The following GRIN2A variants were observed in gnomAD, a reference collection of about 807,000 sequenced individuals.
GRIN2A encodes the protein glutamate ionotropic receptor NMDA type subunit 2A.
A neutral mutation model predicts 113.4 loss-of-function variants in GRIN2A; 22 were observed. That is an observed-to-expected ratio of 0.19 (90% CI 0.14 to 0.28). GRIN2A has a LOEUF of 0.28. Among genes scored for constraint, GRIN2A ranks in the 10% least tolerant of loss-of-function variants. GRIN2A has a pLI of 1.00. For missense variants in GRIN2A, 1,502 were observed against 1,887.0 expected (o/e 0.80, Z 3.78); for synonymous variants, 827 against 738.4 (o/e 1.12, Z -1.94).
chr16:9,818,941 A>G (rs34321431), intron 10 of GRIN2A, among the ~76,000 whole-genome samples: 2,786 of 152,334 alleles, frequency 0.018, 34 homozygotes, highest in Non-Finnish European at 0.029. Context: ...TTGCAATAGC[A>G]AAAGATTGGA....
chr16:9,756,939 G>T lies in GRIN2A; in HGVS notation c.*6210C>A, dbSNP rs1196424992. On this transcript the variant is annotated 3_prime_UTR_variant, in exon 13 of 13. Coordinates refer to ENST00000330684, the MANE Select transcript of GRIN2A (RefSeq NM_001134407.3). ...TGCTTTCTGTCAGCCACAGCAGTAG[G>T]CACTTGGAACTTGATAAAGAATTTT... 5.3e-6 allele frequency: 1 copy of T among 189,304 alleles called. No homozygotes were observed. Among genetic ancestry groups the T allele is most frequent in the East Asian group, 8.4e-5 (1 of 11,924 alleles). 11.7% of individuals were successfully genotyped at this position (189,304 alleles called of 1,614,324 possible).
chr16:9,837,673 G>C (rs944917976), intron 7 of GRIN2A, among the ~76,000 whole-genome samples: 1 of 152,136 alleles, frequency 6.6e-6, no homozygotes, highest in East Asian at 1.9e-4. Flanking sequence ...GGGAATGAGG[G>C]GAAACATGAC....
At chr16:10,139,745 A>G (rs1263142848) in intron 2 of GRIN2A, among the ~76,000 whole-genome samples, 1 of 152,258 alleles carries the variant, frequency 6.6e-6, no homozygotes, top group Non-Finnish European at 1.5e-5. Context: ...GTTATTTTTA[A>G]TATCAGAGAG....
rs2049572236 is a variant in GRIN2A at position 10,151,502 on chromosome 16, G to A, written c.414+28496C>T. ...AAACATATTACCCTAAAACTCCATG[G>A]TTCCCTAGGGACTCAATTCAAAAGT... On this transcript the variant is annotated intron_variant, in intron 2 of 12. Coordinates refer to ENST00000330684, the MANE Select transcript of GRIN2A (RefSeq NM_001134407.3). Among the ~76,000 whole-genome samples, 3 of 152,216 alleles carry A rather than the reference G, an allele frequency of 2.0e-5. No individual in the cohort carries two copies. The South Asian group carries it at 6.2e-4, about 32-fold the overall frequency.
intron 2 of GRIN2A, among the ~76,000 whole-genome samples, chr16:9,975,816 T>C (rs532497951): frequency 1.1e-4 from 16 of 152,266 alleles, no homozygotes; most frequent in African/African-American, 3.6e-4. Flanking sequence ...CAAAGTAAAT[T>C]AATGGAAAAA....
At chr16:9,892,735 G>T (rs527836329) in intron 3 of GRIN2A, among the ~76,000 whole-genome samples, 1 of 152,050 alleles carries the variant, frequency 6.6e-6, no homozygotes, top group Non-Finnish European at 1.5e-5. Context: ...CGGGTGAGAG[G>T]TTCCCCAAGG....
intron 2 of GRIN2A, among the ~76,000 whole-genome samples, chr16:9,972,875 G>A (rs899456702): frequency 1.3e-5 from 2 of 152,204 alleles, no homozygotes; most frequent in African/African-American, 4.8e-5. Flanking sequence ...GGAGACCAGA[G>A]TTTTATTATG....
At chr16:9,914,999 C>G (rs1388822603) in intron 3 of GRIN2A, among the ~76,000 whole-genome samples, 1 of 126,942 alleles carries the variant, frequency 7.9e-6, no homozygotes, top group Non-Finnish European at 1.6e-5. Context: ...TGCAGTGGCG[C>G]GATCTCGTCT....
intron 2 of GRIN2A, among the ~76,000 whole-genome samples, chr16:10,143,380 T>A (rs1373492073): frequency 1.3e-5 from 2 of 152,216 alleles, no homozygotes; most frequent in African/African-American, 4.8e-5. Flanking sequence ...GGAGCCATTC[T>A]ACTATATTAA....
chr16:9,861,434 CATGCCGCTGA>C (rs567785459), intron 4 of GRIN2A, among the ~76,000 whole-genome samples: 278 of 152,302 alleles, frequency 1.8e-3, no homozygotes, highest in African/African-American at 5.3e-3. Context: ...GCATCACTTC[CATGCCGCTGA>C]ATGCACATCT....
chr16:10,121,184 CT>C (rs5815561), intron 2 of GRIN2A: 24,797 of 152,546 alleles, frequency 0.16, 2,445 homozygotes, highest in East Asian at 0.31. Flanking sequence ...ACTCCTACCC[CT>C]GACTCCGAGT....
In GRIN2A at chr16:10,093,283, G is replaced by A. The variant is rs118175107; in HGVS notation, c.414+86715C>T. 8.9e-3 allele frequency among the ~76,000 whole-genome samples: 1,354 copies of A among 152,276 alleles called. 9 individuals are homozygous for A. The highest frequency in any genetic ancestry group is 0.014 in the Non-Finnish European group (969 of 68,008). ...GCCTGCAGGTCCCAAAGGAAATTGT[G>A]TCATTTTATCTTGCCTAGCTCCAAA... is the stretch of plus-strand genomic sequence containing the variant. On this transcript the variant is annotated intron_variant, in intron 2 of 12. Coordinates refer to ENST00000330684, the MANE Select transcript of GRIN2A (RefSeq NM_001134407.3).
At chr16:10,125,635 A>G (rs1466503472) in intron 2 of GRIN2A, among the ~76,000 whole-genome samples, 26 of 106,466 alleles carry the variant, frequency 2.4e-4, no homozygotes, top group African/African-American at 8.1e-4. Flanking sequence ...TGGGAGGAAA[A>G]AAAAAAAAAA....
At chr16:10,009,383 T>G (rs900770210) in intron 2 of GRIN2A, among the ~76,000 whole-genome samples, 1 of 151,364 alleles carries the variant, frequency 6.6e-6, no homozygotes, top group African/African-American at 2.4e-5. Context: ...AAGGATGAAG[T>G]GAGGATTAGG....
intron 2 of GRIN2A, among the ~76,000 whole-genome samples, chr16:10,093,494 G>T (rs1332678625): frequency 2.0e-5 from 3 of 152,038 alleles, no homozygotes; most frequent in African/African-American, 4.8e-5. Flanking sequence ...CATTTGCTGC[G>T]TAGCATTGGC....
intron 2 of GRIN2A, among the ~76,000 whole-genome samples, chr16:10,162,718 T>C (rs2049829342): frequency 6.6e-6 from 1 of 152,216 alleles, no homozygotes; most frequent in South Asian, 2.1e-4. Context: ...CATTCAGAGA[T>C]ACTAGGGGTT....
chr16:9,999,078 A>AT (rs2046277831), intron 2 of GRIN2A, among the ~76,000 whole-genome samples: 1 of 152,152 alleles, frequency 6.6e-6, no homozygotes, highest in Admixed American at 6.6e-5. Flanking sequence ...CAAGTGTAGT[A>AT]TTTTCCTCCA....
chr16:9,882,228 T>C (rs1183726728), intron 4 of GRIN2A, among the ~76,000 whole-genome samples: 1 of 152,164 alleles, frequency 6.6e-6, no homozygotes, highest in South Asian at 2.1e-4. Context: ...GAGGGAGCTA[T>C]AGCATTCTAT....
chr16:10,085,111 T>C (rs1456177677), intron 2 of GRIN2A, among the ~76,000 whole-genome samples: 3 of 152,174 alleles, frequency 2.0e-5, no homozygotes, highest in Non-Finnish European at 2.9e-5. Flanking sequence ...TTCAGTTATA[T>C]AGCCAGTGAG....
Sources: gnomAD v4.1 joint callset for allele counts (sites outside exome capture counted in the v4.1 genomes callset) on GRCh38, gnomAD v4.1.1 for gene constraint, MANE v1.5 for transcripts, NCBI Gene and HGNC (gene_info 2026-07-23, HGNC 2026-07-21) for gene names.